Variants in GNG12 observed in about 807,000 individuals in gnomAD.
The protein encoded by GNG12 is guanine nucleotide-binding protein G(I)/G(S)/G(O) subunit gamma-12.
For missense variants in GNG12, 69 were observed against 83.8 expected, an observed-to-expected ratio of 0.82 and a Z score of 0.69; for synonymous variants, 28 against 29.7, an observed-to-expected ratio of 0.94 and a Z score of 0.19.
At chr1:67,758,690 T>C (rs1481299362) in intron 2 of GNG12, among the ~76,000 whole-genome samples, 2 of 152,180 alleles carry the variant, frequency 1.3e-5, no homozygotes, top group Non-Finnish European at 2.9e-5. Flanking sequence ...AAAAAGTCCT[T>C]GAGAGAAAAA....
chr1:67,739,433 C>T (rs761221859), intron 2 of GNG12, among the ~76,000 whole-genome samples: 4 of 152,250 alleles, frequency 2.6e-5, no homozygotes, highest in South Asian at 2.1e-4. Context: ...GTTTATTGAA[C>T]GCCTACTATG....
At chr1:67,734,036 C>T (rs367879973) in intron 2 of GNG12, among the ~76,000 whole-genome samples, 4 of 152,130 alleles carry the variant, frequency 2.6e-5, no homozygotes, top group South Asian at 4.1e-4. Flanking sequence ...TGCTCAAATG[C>T]AGGAAACTTG....
chr1:67,818,822 G>A (rs1646969291), intron 1 of GNG12, among the ~76,000 whole-genome samples: 1 of 152,122 alleles, frequency 6.6e-6, no homozygotes, highest in African/African-American at 2.4e-5. Context: ...TATCTGTGAG[G>A]TAAGTGCTAT....
chr1:67,775,256 G>C (rs1451459163), intron 2 of GNG12, among the ~76,000 whole-genome samples: 1 of 152,196 alleles, frequency 6.6e-6, no homozygotes, highest in African/African-American at 2.4e-5. Flanking sequence ...GCAAACTGAG[G>C]CTCAGGAAGA....
intron 1 of GNG12, among the ~76,000 whole-genome samples, chr1:67,808,422 T>C (rs1474456435): frequency 1.3e-5 from 2 of 152,102 alleles, no homozygotes; most frequent in African/African-American, 4.8e-5. Flanking sequence ...TCATCACTGC[T>C]TTTCAACTTT....
intron 1 of GNG12, among the ~76,000 whole-genome samples, chr1:67,832,949 G>A (rs1402341441): frequency 6.6e-6 from 1 of 152,132 alleles, no homozygotes; most frequent in Non-Finnish European, 1.5e-5. Flanking sequence ...GGGGCGCACG[G>A]CCGCAGGCTG....
intron 2 of GNG12, among the ~76,000 whole-genome samples, chr1:67,728,008 A>T (rs1646396796): frequency 6.6e-6 from 1 of 152,214 alleles, no homozygotes. Flanking sequence ...GACCTTAAAC[A>T]GAGGAAAATA....
At chr1:67,781,158 G>A (rs1646735322) in intron 1 of GNG12, among the ~76,000 whole-genome samples, 1 of 152,164 alleles carries the variant, frequency 6.6e-6, no homozygotes, top group Non-Finnish European at 1.5e-5. Flanking sequence ...TTAGGATTGT[G>A]GCCCAGCCTA....
At chr1:67,783,435 GCA>G (rs1320041708) in intron 1 of GNG12, among the ~76,000 whole-genome samples, 1 of 152,060 alleles carries the variant, frequency 6.6e-6, no homozygotes, top group Non-Finnish European at 1.5e-5. Flanking sequence ...GCAAAATAAT[GCA>G]CAGTTCCTGA....
chr1:67,771,941 C>T (rs1205118417), intron 2 of GNG12, among the ~76,000 whole-genome samples: 2 of 152,242 alleles, frequency 1.3e-5, no homozygotes, highest in Non-Finnish European at 2.9e-5. Context: ...TGCTCAGCCA[C>T]TGATGTCACT....
intron 2 of GNG12, among the ~76,000 whole-genome samples, chr1:67,754,743 C>T (rs553912290): frequency 2.6e-5 from 4 of 152,190 alleles, no homozygotes; most frequent in South Asian, 2.1e-4. Context: ...ATCAGGATAC[C>T]GAGCACACTT....
chr1:67,709,441 C>T (rs1056213366), intron 2 of GNG12, among the ~76,000 whole-genome samples: 2 of 151,984 alleles, frequency 1.3e-5, no homozygotes, highest in African/African-American at 4.8e-5. Context: ...GTGTCAGAGC[C>T]CAATGCAAAG....
intron 1 of GNG12, among the ~76,000 whole-genome samples, chr1:67,784,958 G>T (rs1223950766): frequency 6.6e-6 from 1 of 152,138 alleles, no homozygotes; most frequent in Non-Finnish European, 1.5e-5. Flanking sequence ...TGCCTGTACG[G>T]CAGAGAAAAC....
intron 2 of GNG12, among the ~76,000 whole-genome samples, chr1:67,724,785 A>G (rs1386226941): frequency 2.0e-5 from 3 of 152,240 alleles, no homozygotes; most frequent in Admixed American, 6.5e-5. Flanking sequence ...GGATGAAGAA[A>G]GACTGGCTAT....
rs765968908 is a variant in GNG12, at chr1:67,705,230, AC to A, written c.*220del. 1.3e-4 allele frequency: 67 copies of A among 510,536 alleles called. No homozygotes were observed. The highest frequency in any genetic ancestry group is 1.8e-4 in the Non-Finnish European group (62 of 338,330). 31.6% of individuals were successfully genotyped at this position (510,536 alleles called of 1,614,324 possible). On this transcript the variant is annotated 3_prime_UTR_variant, in exon 4 of 4. Coordinates refer to ENST00000370982, the MANE Select transcript of GNG12 (RefSeq NM_018841.6). ...AGTAACCCAACATAAAGCCATAGTT[AC>A]CAAGTGGAAAATAAGATTGTTATTC... is the stretch of plus-strand genomic sequence containing the variant.
chr1:67,784,161 T>C (rs1646753848), intron 1 of GNG12, among the ~76,000 whole-genome samples: 2 of 150,712 alleles, frequency 1.3e-5, no homozygotes, highest in Non-Finnish European at 3.0e-5. Flanking sequence ...TTCATGTCCT[T>C]TGTAGGGACA....
chr1:67,756,023 C>T (rs934428944), intron 2 of GNG12, among the ~76,000 whole-genome samples: 1 of 152,118 alleles, frequency 6.6e-6, no homozygotes, highest in Non-Finnish European at 1.5e-5. Context: ...GTGCTGAATG[C>T]CCATCTTACT....
At chr1:67,718,361 TA>T (rs66580124) in intron 2 of GNG12, among the ~76,000 whole-genome samples, 1,706 of 148,954 alleles carry the variant, frequency 0.011, 15 homozygotes, top group Admixed American at 0.019. Flanking sequence ...GTAGCCATAT[TA>T]AAAAAAAAAG....
chr1:67,813,717 A>G (rs965564541), intron 1 of GNG12, among the ~76,000 whole-genome samples: 1 of 152,198 alleles, frequency 6.6e-6, no homozygotes, highest in Non-Finnish European at 1.5e-5. Flanking sequence ...CAAATCACTG[A>G]GCTAAACAGA....
Sources: allele counts gnomAD v4.1 joint callset (sites outside exome capture counted in the v4.1 genomes callset), GRCh38; gene constraint gnomAD v4.1.1; transcripts MANE v1.5; gene names NCBI Gene and HGNC (gene_info 2026-07-23, HGNC 2026-07-21).